GLB1L3: variants seen among roughly 807,000 people sequenced by gnomAD.
GLB1L3 encodes the protein beta-galactosidase-1-like protein 3.
A neutral mutation model predicts 89.5 loss-of-function variants in GLB1L3; 89 were observed. The observed-to-expected ratio is 0.99, with a 90% CI of 0.84 to 1.19. The LOEUF (loss-of-function observed/expected upper bound fraction) is 1.19, where lower values mean the gene tolerates loss of function less well. Ranked by LOEUF, GLB1L3 falls within the 50% of genes most tolerant of loss-of-function variation. GLB1L3 has a pLI of 0.00. For synonymous variants in GLB1L3, 314 were observed against 312.3 expected (o/e 1.01, Z -0.06); for missense variants, 812 against 813.3 (o/e 1.00, Z 0.02).
chr11:134,307,181 G>A lies in GLB1L3; in HGVS notation c.934G>A (p.Asp312Asn). 6.2e-7 allele frequency: 1 copy of A among 1,613,550 alleles called. No homozygotes were observed. The highest frequency in any genetic ancestry group is 1.1e-5 in the South Asian group (1 of 91,000). ...YWVGWFDRWG[D>N]KHHVKDAKEV... ...GGTCGGCTGGTTCGACAGATGGGGA[G>A]ATAAGCACCATGTTAAAGATGCAAA... The change falls in exon 10 of 20, where the codon GAT becomes AAT. Residue 312 changes from aspartate to asparagine, a missense_variant. Transcript: ENST00000431683.
At chr11:134,310,698 GTC>G in intron 12 of GLB1L3, 47 bp downstream of exon 12, 1 of 1,427,572 alleles carries the variant, frequency 7.0e-7, no homozygotes, top group Non-Finnish European at 9.8e-7. Context: ...CTCATGTGGA[GTC>G]TCTGTTCTGT....
chr11:134,307,085 T>G, intron 9 of GLB1L3, 39 bp from the exon 10 acceptor site: 1 of 1,518,234 alleles, frequency 6.6e-7, no homozygotes, highest in Non-Finnish European at 9.1e-7. Flanking sequence ...TCTTTTTTGT[T>G]TTTTGCCAGA....
chr11:134,314,421 G>A lies in GLB1L3; in HGVS notation c.1759G>A (p.Asp587Asn). Reference sequence around the variant, plus strand: ...CTTGAAGGCTGGCCCTTCTCCCAAGGACACCTTCCTGAGCCTGCTGGTAGG... The same window carrying A: ...CTTGAAGGCTGGCCCTTCTCCCAAGAACACCTTCCTGAGCCTGCTGGTAGG... ...GTLKAGPSPK[D>N]TFLSLLNWNY... Residue 587 changes from aspartate to asparagine, a missense_variant, in exon 18 of 20, where the codon GAC becomes AAC. By Grantham distance (23) the Asp-to-Asn change is conservative. This residue lies in a region of GLB1L3 where 618 missense variants were observed against 604.0 expected (regional missense o/e 1.02). Coordinates refer to ENST00000431683, the MANE Select transcript of GLB1L3 (RefSeq NM_001080407.3). 1 of 1,551,036 alleles carries A rather than the reference G, an allele frequency of 6.4e-7. No individual in the cohort carries two copies. Among genetic ancestry groups the A allele is most frequent in the Non-Finnish European group, 8.7e-7 (1 of 1,146,392 alleles).
chr11:134,320,909 A>G, downstream of GLB1L3, among the ~76,000 whole-genome samples: 1 of 152,116 alleles, frequency 6.6e-6, no homozygotes, highest in Non-Finnish European at 1.5e-5. Flanking sequence ...TATCATCTGG[A>G]TGCATATTAG....
chr11:134,304,344 C>T lies in GLB1L3; in HGVS notation c.877-2780C>T, dbSNP rs137889888. 3.0e-4 allele frequency among the ~76,000 whole-genome samples: 45 copies of T among 152,256 alleles called. No individual in the cohort carries two copies. The East Asian group carries it at 3.9e-3, about 13-fold the overall frequency. The stretch of plus-strand genomic sequence containing the variant: ...TGTAAAAATCCTCAATGAGTGGGTT[C>T]GTCCAAATAACATAGATCATGATTG... On this transcript the variant is annotated intron_variant, in intron 9 of 19. Coordinates refer to ENST00000431683, the MANE Select transcript of GLB1L3 (RefSeq NM_001080407.3).
chr11:134,317,527 GTTTC>G (rs1255060425), intron 18 of GLB1L3, among the ~76,000 whole-genome samples: 2 of 152,032 alleles, frequency 1.3e-5, no homozygotes, highest in African/African-American at 4.8e-5. Context: ...TTTTTTATCA[GTTTC>G]TTTCTTAAAT....
intron 18 of GLB1L3, chr11:134,316,774 C>G (rs907651800): frequency 7.9e-5 from 12 of 152,314 alleles, no homozygotes; most frequent in Admixed American, 2.6e-4. Flanking sequence ...TCTTTCACCT[C>G]TAAGTTTTAA....
chr11:134,324,932 T>A, the GLB1L3 span, among the ~76,000 whole-genome samples: 1 of 152,022 alleles, frequency 6.6e-6, no homozygotes, highest in African/African-American at 2.4e-5. Context: ...TGATATAAAA[T>A]GTTTACATAT....
At chr11:134,308,734 T>C (rs972749580) in intron 10 of GLB1L3, among the ~76,000 whole-genome samples, 10 of 151,862 alleles carry the variant, frequency 6.6e-5, no homozygotes, top group Non-Finnish European at 1.0e-4. Flanking sequence ...GCAGGCACTG[T>C]GCCTTTTTTC....
intron 12 of GLB1L3, chr11:134,310,855 C>T (rs924717907): frequency 6.5e-6 from 4 of 617,720 alleles, no homozygotes; most frequent in Non-Finnish European, 1.1e-5. Context: ...TTATAAGCCT[C>T]AGTTTCTTCA....
rs1565385347 is a variant in GLB1L3, at chr11:134,277,603, A to ATATGCACAGAACACGTCCTACT, written c.150-97_150-96insTATGCACAGAACACGTCCTACT. The ATATGCACAGAACACGTCCTACT allele has an allele frequency of 2.0e-6, 3 of 1,527,290 alleles. No individual in the cohort carries two copies. The African/African-American group carries it at 4.1e-5, about 21-fold the overall frequency. 94.6% of individuals were successfully genotyped at this position (1,527,290 alleles called of 1,614,324 possible). ...TATGCACAGAACACGTCCTACTAACAAAAACTTCTTTTCGCTAGGGTTTCA... is the reference window on the plus strand; with the variant it reads ...TATGCACAGAACACGTCCTACTAACATATGCACAGAACACGTCCTACTAAAACTTCTTTTCGCTAGGGTTTCA... On this transcript the variant is annotated intron_variant, in intron 2 of 19. Coordinates refer to ENST00000431683, the MANE Select transcript of GLB1L3 (RefSeq NM_001080407.3).
rs10791352 is a variant in GLB1L3 at position 134,282,136 on chromosome 11, G to A, written c.527+16G>A. 1,217,011 of 1,560,398 alleles carry A rather than the reference G, an allele frequency of 0.78. 476,799 individuals carry two copies. Among genetic ancestry groups the A allele is most frequent in the Non-Finnish European group, 0.8 (915,456 of 1,150,972 alleles). ...GCTTGCCCAGGTAAGCGGGGCTACA[G>A]TCCCAGAGTCGTGGTTCTAGTGAAG... On this transcript the variant is annotated intron_variant, in intron 5 of 19. Transcript: ENST00000431683.
At position 134,319,167 on chromosome 11, in the gene GLB1L3, G is replaced by A; in HGVS notation, c.*225G>A. The A allele has an allele frequency of 2.1e-6, 1 of 484,906 alleles. No homozygotes were observed. Among genetic ancestry groups the A allele is most frequent in the Non-Finnish European group, 3.7e-6 (1 of 269,224 alleles). 30.0% of individuals were successfully genotyped at this position (484,906 alleles called of 1,614,324 possible). On this transcript the variant is annotated 3_prime_UTR_variant, in exon 20 of 20. Coordinates refer to ENST00000431683, the MANE Select transcript of GLB1L3 (RefSeq NM_001080407.3). ...GATGGGGTTTCACCAAGTTAGCCAG[G>A]ATGGTCCCAATCTCCTGACCTTGTG...
intron 17 of GLB1L3, 36 bp from the exon 18 acceptor site, chr11:134,314,294 G>T: frequency 7.0e-7 from 1 of 1,427,590 alleles, no homozygotes; most frequent in Non-Finnish European, 9.6e-7. Context: ...TTGGGAAGGG[G>T]ACTTCTTCTC....
chr11:134,313,575 G>T, intron 16 of GLB1L3, 101 bp downstream of exon 16: 1 of 1,019,688 alleles, frequency 9.8e-7, no homozygotes, highest in Non-Finnish European at 1.5e-6. Context: ...CAGCCGCTCA[G>T]CAGTGGGCTA....
At chr11:134,299,077 T>A (rs917636477) in intron 9 of GLB1L3, among the ~76,000 whole-genome samples, 1 of 152,194 alleles carries the variant, frequency 6.6e-6, no homozygotes, top group Non-Finnish European at 1.5e-5. Flanking sequence ...TCATTCCTCA[T>A]GCCTGTTGAG....
At position 134,281,296 on chromosome 11, in the gene GLB1L3, G is replaced by C. The variant is rs1940670348; in HGVS notation, c.363-81G>C. On this transcript the variant is annotated intron_variant, in intron 3 of 19. Coordinates refer to ENST00000431683, the MANE Select transcript of GLB1L3 (RefSeq NM_001080407.3). The stretch of plus-strand genomic sequence containing the variant: ...TCAAAATAGAGCTATGCATGGTTTT[G>C]GCTTGGATTTGGGGCAGACCTAACA... The C allele has an allele frequency of 4.6e-6, 7 of 1,514,926 alleles. No homozygotes were observed. In the South Asian group the frequency reaches 6.7e-5, roughly 15 times the overall value. 93.8% of individuals were successfully genotyped at this position (1,514,926 alleles called of 1,614,324 possible). A position where few individuals can be genotyped will look rare whatever the true frequency, so the allele number is the denominator to read the frequency against.
chr11:134,291,939 C>T (rs948209580), intron 7 of GLB1L3, among the ~76,000 whole-genome samples, 193 bp from the exon 8 acceptor site: 1 of 152,210 alleles, frequency 6.6e-6, no homozygotes, highest in Admixed American at 6.5e-5. Context: ...CGTGCCACTG[C>T]ACTCCAGCCC....
chr11:134,285,662 G>A (rs904732014), intron 6 of GLB1L3, among the ~76,000 whole-genome samples: 4 of 152,054 alleles, frequency 2.6e-5, no homozygotes, highest in Non-Finnish European at 5.9e-5. Flanking sequence ...AGCACCTGTA[G>A]TCCCAACTAC....
Sources: gnomAD v4.1 joint callset for allele counts (sites outside exome capture counted in the v4.1 genomes callset) on GRCh38, gnomAD v4.1.1 for gene constraint, gnomAD v4.1.1 regional missense constraint, MANE v1.5 for transcripts, NCBI Gene and HGNC (gene_info 2026-07-23, HGNC 2026-07-21) for gene names.